The following GABRB2 variants were observed in gnomAD, a reference collection of about 807,000 sequenced individuals.
GABRB2 encodes the protein gamma-aminobutyric acid receptor subunit beta-2.
A neutral mutation model predicts 54.7 loss-of-function variants in GABRB2; 16 were observed. That is an observed-to-expected ratio of 0.29 (90% confidence interval 0.20 to 0.44). GABRB2 has a LOEUF of 0.44. GABRB2 is among the 20% of genes least tolerant of loss of function. The pLI, the probability that GABRB2 is intolerant of heterozygous loss-of-function variation, is 1.00. For synonymous variants in GABRB2, 244 were observed against 233.8 expected, an observed-to-expected ratio of 1.04 and a Z score of -0.40; for missense variants, 355 against 644.0, an observed-to-expected ratio of 0.55 and a Z score of 4.86.
Position 161,336,631 on chromosome 5 carries a change from C to T in GABRB2, c.679+1G>A. The T allele has an allele frequency of 6.2e-7, 1 of 1,612,470 alleles. No individual in the cohort carries two copies. On this transcript the variant is annotated splice_donor_variant, in intron 6 of 9. Coordinates refer to ENST00000393959, the MANE Select transcript of GABRB2 (RefSeq NM_001371727.1). LOFTEE classifies it high-confidence loss of function. ...CCTTAACACTTTTCCATGATACAAA[C>T]CTGTGGAAAAAACAACCTTCTTGGT...
At chr5:161,438,699 G>T (rs1280943147) in intron 4 of GABRB2, among the ~76,000 whole-genome samples, 1 of 151,912 alleles carries the variant, frequency 6.6e-6, no homozygotes, top group African/African-American at 2.4e-5. Context: ...TTAACAAAGA[G>T]ATCAAAATAA....
intron 5 of GABRB2, among the ~76,000 whole-genome samples, chr5:161,344,436 T>C (rs1754258332): frequency 6.6e-6 from 1 of 152,120 alleles, no homozygotes; most frequent in Non-Finnish European, 1.5e-5. Context: ...TTTATTCATA[T>C]TCTTCAACAG....
chr5:161,458,975 C>CT (rs967047116), intron 4 of GABRB2, among the ~76,000 whole-genome samples: 1 of 149,660 alleles, frequency 6.7e-6, no homozygotes, highest in African/African-American at 2.5e-5. Context: ...ATTTTTTCTT[C>CT]TTTTTTTCTA....
At chr5:161,400,801 G>T (rs1420258089) in intron 5 of GABRB2, among the ~76,000 whole-genome samples, 2 of 152,136 alleles carry the variant, frequency 1.3e-5, no homozygotes, top group Non-Finnish European at 2.9e-5. Flanking sequence ...CTTACCACCT[G>T]GTCAAAGGGG....
intron 9 of GABRB2, among the ~76,000 whole-genome samples, chr5:161,306,292 G>A (rs1757688684): frequency 1.3e-5 from 2 of 152,174 alleles, no homozygotes; most frequent in African/African-American, 4.8e-5. Context: ...ACTAATGTTT[G>A]AATCCTTCTA....
chr5:161,512,882 A>C (rs1322524980), intron 3 of GABRB2, among the ~76,000 whole-genome samples: 1 of 151,866 alleles, frequency 6.6e-6, no homozygotes, highest in Non-Finnish European at 1.5e-5. Flanking sequence ...AAAATTAAAA[A>C]CTGGGCAAAA....
intron 3 of GABRB2, among the ~76,000 whole-genome samples, chr5:161,492,039 GAA>G (rs948577542): frequency 6.6e-6 from 1 of 151,076 alleles, no homozygotes; most frequent in African/African-American, 2.4e-5. Flanking sequence ...ACCCATTACT[GAA>G]AAAAAAGTAT....
intron 5 of GABRB2, among the ~76,000 whole-genome samples, chr5:161,361,287 T>G (rs1165260074): frequency 1.3e-5 from 2 of 152,074 alleles, no homozygotes; most frequent in African/African-American, 4.8e-5. Flanking sequence ...TTTTATTATA[T>G]TTTTATTTTT....
At chr5:161,321,735 C>A (rs1303222886) in intron 9 of GABRB2, among the ~76,000 whole-genome samples, 1 of 152,006 alleles carries the variant, frequency 6.6e-6, no homozygotes, top group African/African-American at 2.4e-5. Flanking sequence ...TATACTGAAA[C>A]CTAACTTTTT....
At chr5:161,308,376 A>G (rs1312235797) in intron 9 of GABRB2, among the ~76,000 whole-genome samples, 2 of 152,222 alleles carry the variant, frequency 1.3e-5, no homozygotes, top group Admixed American at 1.3e-4. Context: ...AGAGAAAAAC[A>G]TTCCATGCTA....
chr5:161,306,696 G>A (rs918268685), intron 9 of GABRB2, among the ~76,000 whole-genome samples: 3 of 152,024 alleles, frequency 2.0e-5, no homozygotes, highest in Non-Finnish European at 2.9e-5. Flanking sequence ...TGAGTTGGAT[G>A]GGGAGGGTAC....
chr5:161,405,855 G>A (rs116027585), intron 5 of GABRB2, among the ~76,000 whole-genome samples: 2,120 of 152,060 alleles, frequency 0.014, 50 homozygotes, highest in African/African-American at 0.047. Flanking sequence ...CCTTCGACAA[G>A]GATGATTTAG....
chr5:161,537,445 C>T (rs1274195907), intron 3 of GABRB2, among the ~76,000 whole-genome samples: 1 of 152,148 alleles, frequency 6.6e-6, no homozygotes, highest in Non-Finnish European at 1.5e-5. Flanking sequence ...TCACTATCTG[C>T]CCACATGCCT....
At chr5:161,403,266 G>A (rs1001255947) in intron 5 of GABRB2, among the ~76,000 whole-genome samples, 2 of 152,092 alleles carry the variant, frequency 1.3e-5, no homozygotes, top group Non-Finnish European at 2.9e-5. Flanking sequence ...TTTCCTCCTA[G>A]GAGTGAGAGT....
intron 4 of GABRB2, among the ~76,000 whole-genome samples, chr5:161,437,234 C>A (rs967002364): frequency 4.0e-5 from 6 of 151,788 alleles, no homozygotes; most frequent in Admixed American, 6.6e-5. Context: ...CCAAAAGAGA[C>A]CCCTTCCTTC....
rs559355914 is a variant in GABRB2 at position 161,486,604 on chromosome 5, G to A, written c.238-26760C>T. 3.3e-5 allele frequency among the ~76,000 whole-genome samples: 5 copies of A among 151,934 alleles called. No homozygotes were observed. In the East Asian group the frequency reaches 9.8e-4, roughly 30 times the overall value. On this transcript the variant is annotated intron_variant, in intron 3 of 9. Coordinates refer to ENST00000393959, the MANE Select transcript of GABRB2 (RefSeq NM_001371727.1). ...TGGAAGGATGGCACATCGATTTGAA[G>A]TGCATCAGTGTGTGGCATGTGAAGT...
chr5:161,326,262 G>A, intron 9 of GABRB2, 106 bp downstream of exon 9: 2 of 1,497,554 alleles, frequency 1.3e-6, no homozygotes, highest in Non-Finnish European at 1.8e-6. Context: ...GTGGATACAT[G>A]TTCATAGGTT....
chr5:161,428,705 C>A (rs936078815), intron 4 of GABRB2, among the ~76,000 whole-genome samples: 3 of 152,122 alleles, frequency 2.0e-5, no homozygotes, highest in African/African-American at 7.2e-5. Flanking sequence ...GCTTGCTAAA[C>A]CCTGTAGAAG....
intron 5 of GABRB2, among the ~76,000 whole-genome samples, chr5:161,347,647 C>T (rs912942605): frequency 7.9e-5 from 12 of 152,194 alleles, no homozygotes; most frequent in Admixed American, 6.5e-4. Context: ...CAGTCTTCAG[C>T]CCACCTGTGT....
Sources: gnomAD v4.1 joint callset for allele counts (sites outside exome capture counted in the v4.1 genomes callset) on GRCh38, gnomAD v4.1.1 for gene constraint, MANE v1.5 for transcripts, NCBI Gene and HGNC (gene_info 2026-07-23, HGNC 2026-07-21) for gene names.